The following ATP11A variants were observed in gnomAD, a reference collection of about 807,000 sequenced individuals.
ATP11A encodes the protein ATPase phospholipid transporting 11A, also known as phospholipid-transporting ATPase IH.
Under a neutral mutation model 154.4 loss-of-function variants are expected in ATP11A, and 81 were observed. The observed-to-expected ratio is 0.52, with a 90% confidence interval of 0.44 to 0.63. The LOEUF is 0.63. Ranked by LOEUF, ATP11A falls within the 30% of genes least tolerant of loss-of-function variation. The pLI, the probability that ATP11A is intolerant of heterozygous loss-of-function variation, is 0.00. For synonymous variants in ATP11A, 623 were observed against 585.9 expected, an observed-to-expected ratio of 1.06 and a Z score of -0.91; for missense variants, 1,316 against 1,474.3, an observed-to-expected ratio of 0.89 and a Z score of 1.76.
At chr13:112,826,596 G>T in intron 11 of ATP11A, 98 bp from the exon 12 acceptor site, 1 of 981,610 alleles carries the variant, frequency 1.0e-6, no homozygotes, top group African/African-American at 1.6e-5. Flanking sequence ...AGTAGCGCTC[G>T]TATAACTTAT....
chr13:112,873,370 TGTGAGGTGTGGCTTTGTCTTCCTGAGC>T (rs1228007240), intron 26 of ATP11A, 176 bp from the exon 27 acceptor site: 2 of 532,730 alleles, frequency 3.8e-6, no homozygotes, highest in Non-Finnish European at 6.6e-6. Context: ...TCCTGAGCGG[TGTGAGGTGTGGCTTTGTCTTCCTGAGC>T]GGTGTGAGGT....
chr13:112,831,625 T>C, intron 13 of ATP11A, 77 bp downstream of exon 13: 1 of 1,526,082 alleles, frequency 6.6e-7, no homozygotes, highest in Non-Finnish European at 8.9e-7. Flanking sequence ...CCCTTTTCAC[T>C]CGAGTGTCCA....
chr13:112,825,877 A>G (rs2078920780), intron 11 of ATP11A, among the ~76,000 whole-genome samples: 1 of 152,242 alleles, frequency 6.6e-6, no homozygotes, highest in Admixed American at 6.5e-5. Context: ...CTTGTTAATG[A>G]TTATGAGATA....
chr13:112,780,510 C>G (rs1399333436), intron 1 of ATP11A, among the ~76,000 whole-genome samples: 1 of 152,224 alleles, frequency 6.6e-6, no homozygotes, highest in African/African-American at 2.4e-5. Context: ...TCCTTCCTTT[C>G]CGTGTATCCC....
intron 21 of ATP11A, 26 bp from the exon 22 acceptor site, chr13:112,858,113 ATTTCTT>A: frequency 6.2e-7 from 1 of 1,607,648 alleles, no homozygotes; most frequent in Non-Finnish European, 8.5e-7. Context: ...TGCAGAAAGC[ATTTCTT>A]CAGCTCCTTC....
At position 112,785,050 on chromosome 13, in the gene ATP11A, G is replaced by A. The variant is rs1594680676; in HGVS notation, c.40-85G>A. The A allele has an allele frequency of 1.5e-6, 2 of 1,359,050 alleles. No homozygotes were observed. Among genetic ancestry groups the A allele is most frequent in the South Asian group, 2.0e-5 (1 of 48,848 alleles). The allele number at this position is 1,359,050 out of a possible 1,614,324, so 84.2% of individuals were successfully genotyped here. The stretch of plus-strand genomic sequence containing the variant: ...AGCAGGTACAGGTCTCCGTTCCGAC[G>A]AACGTGCCTCAAGGCAACACTCTGG... On this transcript the variant is annotated intron_variant, in intron 1 of 29. Coordinates refer to ENST00000375645, the MANE Select transcript of ATP11A (RefSeq NM_015205.3). This position sits in a 1 kb window ranked among gnomAD's most constrained non-coding sequence, Gnocchi z 4.8.
In ATP11A at chr13:112,785,217, T is replaced by G; in HGVS notation, c.122T>G (p.Ile41Ser). 2 of 1,570,116 alleles carry G rather than the reference T, an allele frequency of 1.3e-6. No individual in the cohort carries two copies. Among genetic ancestry groups the G allele is most frequent in the Non-Finnish European group, 1.7e-6 (2 of 1,159,334 alleles). ...CCACCTCCGGGCGCAGAGGCCTACA[T>G]CCCACAGAGATACCCAGACAACAGG... The part of the protein sequence containing the change: ...REPPPGAEAY[I>S]PQRYPDNRIV... The change falls in exon 2 of 30, where the codon ATC becomes AGC. Residue 41 changes from isoleucine to serine, a missense_variant. Physicochemically the swap from Ile to Ser is moderately radical, Grantham distance 142. Around this residue, in one of 5 missense-constraint regions of ATP11A, gnomAD observed 123 missense variants for 113.7 expected, o/e 1.08. Coordinates refer to ENST00000375645, the MANE Select transcript of ATP11A (RefSeq NM_015205.3). This position sits in a 1 kb window ranked among gnomAD's most constrained non-coding sequence, Gnocchi z 4.8.
chr13:112,839,309 A>T (rs138625875), intron 16 of ATP11A, among the ~76,000 whole-genome samples: 188 of 152,146 alleles, frequency 1.2e-3, no homozygotes, highest in African/African-American at 4.4e-3. Flanking sequence ...GAAAAAGAAA[A>T]GCAAGCAGAA....
chr13:112,837,927 G>A (rs1298668595), intron 16 of ATP11A, among the ~76,000 whole-genome samples: 1 of 152,082 alleles, frequency 6.6e-6, no homozygotes, highest in Non-Finnish European at 1.5e-5. Context: ...GGGTGCCATG[G>A]CTGCTCTGGG....
At chr13:112,824,268 C>T (rs539635154) in intron 9 of ATP11A, 76 bp from the exon 10 acceptor site, 16 of 1,140,240 alleles carry the variant, frequency 1.4e-5, no homozygotes, top group Admixed American at 3.4e-5. Flanking sequence ...TGATTTTCCC[C>T]GCAGCTGTGT....
chr13:112,715,598 C>T (rs1206553695), intron 1 of ATP11A, among the ~76,000 whole-genome samples: 1 of 110,692 alleles, frequency 9.0e-6, no homozygotes. Context: ...CCTGGCTGAT[C>T]CCCCCACCTG....
chr13:112,739,905 T>A (rs1891357976), intron 1 of ATP11A, among the ~76,000 whole-genome samples: 1 of 152,110 alleles, frequency 6.6e-6, no homozygotes, highest in South Asian at 2.1e-4. Flanking sequence ...ATTCTATTTA[T>A]GTGACATGTC....
chr13:112,768,708 C>G (rs2077156390), intron 1 of ATP11A, among the ~76,000 whole-genome samples: 1 of 152,166 alleles, frequency 6.6e-6, no homozygotes, highest in Non-Finnish European at 1.5e-5. Flanking sequence ...GCTAATTCAT[C>G]TTTAGAAGGA....
At chr13:112,738,812 G>A (rs913125419) in intron 1 of ATP11A, among the ~76,000 whole-genome samples, 11 of 146,838 alleles carry the variant, frequency 7.5e-5, no homozygotes, top group South Asian at 2.3e-4. Flanking sequence ...CTCCTGCCCC[G>A]CCCCTACAGA....
intron 17 of ATP11A, among the ~76,000 whole-genome samples, chr13:112,845,792 T>TGTCGGGCACTAGCAGTACTAACCAG (rs1566564917): frequency 1.1e-5 from 1 of 89,718 alleles, no homozygotes; most frequent in African/African-American, 4.9e-5. Flanking sequence ...CCAGTCCAGT[T>TGTCGGGCACTAGCAGTACTAACCAG]TCCAGGCACT....
At chr13:112,844,061 C>T (rs1292910983) in intron 17 of ATP11A, among the ~76,000 whole-genome samples, 5 of 152,202 alleles carry the variant, frequency 3.3e-5, no homozygotes, top group East Asian at 1.9e-4. Context: ...AGTACAGGGG[C>T]GTGTGGGGGC....
chr13:112,803,156 A>G (rs1341967142), intron 2 of ATP11A, among the ~76,000 whole-genome samples: 1 of 152,230 alleles, frequency 6.6e-6, no homozygotes, highest in East Asian at 1.9e-4. Context: ...TAGAATAGAA[A>G]ATGGAAATTC....
In ATP11A at chr13:112,787,176, C is replaced by T. The variant is rs865927826; in HGVS notation, c.162+1919C>T. 1.3e-3 allele frequency among the ~76,000 whole-genome samples: 170 copies of T among 125,972 alleles called. 2 individuals carry two copies. The highest frequency in any genetic ancestry group is 9.4e-3 in the Middle Eastern group (2 of 212). The allele number at this position is 125,972 out of a possible 152,430, so 82.6% of individuals were successfully genotyped here. A position where few individuals can be genotyped will look rare whatever the true frequency, so the allele number is the denominator to read the frequency against. On this transcript the variant is annotated intron_variant, in intron 2 of 29. Transcript: ENST00000375645. ...ACACCGGGTGTCCTGATGCGTAGAC[C>T]CCTGTGGAGACCTACTTAATTCACA...
rs750955106 is a variant in ATP11A, at chr13:112,746,406, G to A, written c.40-38729G>A. 11 of 151,978 alleles carry A rather than the reference G, an allele frequency of 7.2e-5. No individual in the cohort carries two copies. Among genetic ancestry groups the A allele is most frequent in the Non-Finnish European group, 5.9e-5 (4 of 68,046 alleles). The allele number at this position is 151,978 out of a possible 1,614,324, so 9.4% of individuals were successfully genotyped here. On this transcript the variant is annotated intron_variant, in intron 1 of 29. Transcript: ENST00000375645. This position sits in a 1 kb window ranked among gnomAD's most constrained non-coding sequence, Gnocchi z 4.1. ...GGTTCCGGTTCCCCACGTCCTCACC[G>A]GGTAACTGGGGTTCCGGCTCCCCGC... is the stretch of plus-strand genomic sequence containing the variant.
Sources: allele counts gnomAD v4.1 joint callset (sites outside exome capture counted in the v4.1 genomes callset), GRCh38; gene constraint gnomAD v4.1.1; regional missense constraint gnomAD v4.1.1; non-coding constraint Gnocchi (gnomAD v3.1); transcripts MANE v1.5; gene names NCBI Gene and HGNC (gene_info 2026-07-23, HGNC 2026-07-21).